The following ERMP1 variants were observed in gnomAD, a reference collection of about 807,000 sequenced individuals.
ERMP1 encodes Felix-ina.
In ERMP1, 86 loss-of-function variants were observed where a neutral mutation model predicts 92.0. The observed-to-expected ratio is 0.93, with a 90% confidence interval of 0.79 to 1.12. The LOEUF is 1.12. Among genes scored for constraint, ERMP1 ranks in the 50% most tolerant of loss-of-function variants. The pLI, the probability that ERMP1 is intolerant of heterozygous loss-of-function variation, is 0.00. For missense variants in ERMP1, 1,342 were observed against 1,116.3 expected (o/e 1.20, Z -2.88); for synonymous variants, 530 against 412.8 (o/e 1.28, Z -3.44).
chr9:5,816,948 G>C (rs1829332720), intron 4 of ERMP1, among the ~76,000 whole-genome samples: 1 of 150,974 alleles, frequency 6.6e-6, no homozygotes, highest in Non-Finnish European at 1.5e-5. Flanking sequence ...TCCCAGGCTG[G>C]AGTACAGCAC....
intron 4 of ERMP1, among the ~76,000 whole-genome samples, chr9:5,813,557 A>C (rs907761642): frequency 6.6e-6 from 1 of 152,084 alleles, no homozygotes; most frequent in Admixed American, 6.6e-5. Flanking sequence ...AGCATCCCTA[A>C]TCCTAAAATC....
chr9:5,864,074 C>A lies in ERMP1; in HGVS notation n.3055+3728G>T, dbSNP rs569891559. Among the ~76,000 whole-genome samples, 76 of 152,256 alleles carry A rather than the reference C, an allele frequency of 5.0e-4. 1 individual carries two copies. Among genetic ancestry groups the A allele is most frequent in the South Asian group, 3.5e-3 (17 of 4,822 alleles). ...TTAAAAAAGCTTATGATAGATATGG[C>A]CAAACTGCCCTCCAGAATTGCACAT... On this transcript the variant is annotated intron_variant and non_coding_transcript_variant, in intron 5 of 6. Transcript: ENST00000690753.
chr9:5,816,831 C>A (rs1037864575), intron 4 of ERMP1, among the ~76,000 whole-genome samples: 2 of 151,430 alleles, frequency 1.3e-5, no homozygotes, highest in Non-Finnish European at 2.9e-5. Flanking sequence ...CAAGGTTCCA[C>A]GTGTAGAATG....
intron 13 of ERMP1, among the ~76,000 whole-genome samples, chr9:5,788,029 T>C (rs1212312797): frequency 1.3e-5 from 2 of 152,220 alleles, no homozygotes; most frequent in East Asian, 3.8e-4. Context: ...GTTTTACTAG[T>C]TTTTCCCTTC....
rs1258767540 is a variant in ERMP1 at position 5,830,916 on chromosome 9, T to C, written c.451A>G (p.Ser151Gly). 4.3e-6 allele frequency: 7 copies of C among 1,614,002 alleles called. No individual in the cohort carries two copies. In the Admixed American group the frequency reaches 1.0e-4, roughly 23 times the overall value. The change falls in exon 2 of 15, where the codon AGC (serine) becomes GGC (glycine). Residue 151 changes from serine to glycine, a missense_variant. Transcript: ENST00000339450. ...ACTGAAATCTTATGAAGGCTGTTGCTTTGCACTTCAATCAGTTTAATCTGT... is the reference window on the plus strand; with the variant it reads ...ACTGAAATCTTATGAAGGCTGTTGCCTTGCACTTCAATCAGTTTAATCTGT... ...LEQIKLIEVQ[S>G]NSLHKISVDV...
At chr9:5,832,647 G>T (rs1194720284) in intron 1 of ERMP1, 43 bp downstream of exon 1, 1 of 1,348,168 alleles carries the variant, frequency 7.4e-7, no homozygotes, top group African/African-American at 1.5e-5. Context: ...CGCAGGAGCC[G>T]CAAACGGACG....
intron 13 of ERMP1, among the ~76,000 whole-genome samples, chr9:5,796,894 A>T (rs188480163): frequency 6.6e-6 from 1 of 152,206 alleles, no homozygotes. Context: ...TAATAATAAT[A>T]TATCAGTGTT....
At chr9:5,808,637 C>T (rs899940469) in intron 8 of ERMP1, among the ~76,000 whole-genome samples, 2 of 152,204 alleles carry the variant, frequency 1.3e-5, no homozygotes, top group African/African-American at 4.8e-5. Flanking sequence ...TTACATGGAG[C>T]TAAGAAAGAT....
At chr9:5,804,509 C>A (rs113483757) in intron 10 of ERMP1, among the ~76,000 whole-genome samples, 199 of 152,174 alleles carry the variant, frequency 1.3e-3, no homozygotes, top group Non-Finnish European at 2.4e-3. Context: ...AATGAAGGCA[C>A]GTTTGGGTGT....
At chr9:5,789,883 C>T (rs923179816) in intron 13 of ERMP1, among the ~76,000 whole-genome samples, 7 of 150,740 alleles carry the variant, frequency 4.6e-5, no homozygotes, top group Non-Finnish European at 7.4e-5. Context: ...GGGGTCTCCC[C>T]GTGTTGCCCA....
chr9:5,839,211 T>TA (rs961544087), intron 6 of ERMP1, among the ~76,000 whole-genome samples: 15 of 152,080 alleles, frequency 9.9e-5, no homozygotes, highest in African/African-American at 3.4e-4. Context: ...CTGAACCAAT[T>TA]AAAAAAAACT....
upstream of ERMP1, among the ~76,000 whole-genome samples, chr9:5,837,639 T>C (rs1257934321): frequency 6.6e-6 from 1 of 152,244 alleles, no homozygotes; most frequent in Admixed American, 6.5e-5. Flanking sequence ...TAATATGTGT[T>C]ATATACATTA....
At chr9:5,866,497 T>A (rs538835193) in intron 5 of ERMP1, among the ~76,000 whole-genome samples, 21 of 152,222 alleles carry the variant, frequency 1.4e-4, no homozygotes, top group African/African-American at 4.6e-4. Flanking sequence ...CAGCCCAGAA[T>A]TGGTAGCTCA....
chr9:5,857,250 G>C (rs747593751), intron 6 of ERMP1, among the ~76,000 whole-genome samples: 6 of 152,072 alleles, frequency 3.9e-5, no homozygotes, highest in Non-Finnish European at 8.8e-5. Context: ...TCAAACCCCT[G>C]AGCTCAAGGG....
Position 5,833,082 on chromosome 9 carries a change from G to T in ERMP1, c.-55C>A. ...GCCCCAACCCGCGACAGCCCCGGCCGCCGCCGACGCCGCCGTCGCTGCCGC... is the reference window on the plus strand; with the variant it reads ...GCCCCAACCCGCGACAGCCCCGGCCTCCGCCGACGCCGCCGTCGCTGCCGC... On this transcript the variant is annotated 5_prime_UTR_variant, in exon 1 of 15. Coordinates refer to ENST00000339450, the MANE Select transcript of ERMP1 (RefSeq NM_024896.3). 7.4e-7 allele frequency: 1 copy of T among 1,349,942 alleles called. No individual in the cohort carries two copies. Among genetic ancestry groups the T allele is most frequent in the Non-Finnish European group, 9.6e-7 (1 of 1,045,172 alleles). 83.6% of individuals were successfully genotyped at this position (1,349,942 alleles called of 1,614,324 possible). A position where few individuals can be genotyped will look rare whatever the true frequency, so the allele number is the denominator to read the frequency against.
intron 5 of ERMP1, among the ~76,000 whole-genome samples, chr9:5,863,159 G>A (rs938291234): frequency 7.2e-5 from 11 of 152,160 alleles, no homozygotes; most frequent in African/African-American, 2.4e-4. Flanking sequence ...GGCTAGTACT[G>A]CCAGTTTAAA....
In ERMP1 at chr9:5,786,930, G is replaced by A; in HGVS notation, c.*214C>T. 1 of 437,994 alleles carries A rather than the reference G, an allele frequency of 2.3e-6. No individual in the cohort carries two copies. The highest frequency in any genetic ancestry group is 4.1e-6 in the Non-Finnish European group (1 of 246,356). 27.1% of individuals were successfully genotyped at this position (437,994 alleles called of 1,614,324 possible). ...ACCCACATGTGCTGAAGTGCCAAAA[G>A]ACTGGCATTTTCAAGTGTCAACAGG... On this transcript the variant is annotated 3_prime_UTR_variant, in exon 15 of 15. Coordinates refer to ENST00000339450, the MANE Select transcript of ERMP1 (RefSeq NM_024896.3).
chr9:5,807,858 T>C (rs942857912), intron 8 of ERMP1, among the ~76,000 whole-genome samples: 2 of 152,186 alleles, frequency 1.3e-5, no homozygotes, highest in African/African-American at 4.8e-5. Context: ...AGCATAGTTA[T>C]ATGTCAGTCT....
In ERMP1 at chr9:5,825,152, T is replaced by G. The variant is rs1453341923; in HGVS notation, c.708A>C (p.Ser236=). 1 of 1,614,118 alleles carries G rather than the reference T, an allele frequency of 6.2e-7. No homozygotes were observed. Among genetic ancestry groups the G allele is most frequent in the South Asian group, 1.1e-5 (1 of 91,072 alleles). Residue 236 remains serine (S), a synonymous_variant, in exon 3 of 15, where the codon TCA becomes TCC. Coordinates refer to ENST00000339450, the MANE Select transcript of ERMP1 (RefSeq NM_024896.3). The part of the protein sequence containing the change: ...LEVLRVLSTS[S]EALHHAVIFL... ...ATATGACAGCATGATGCAAGGCTTC[T>G]GAAGATGTTGACAAGACGCGAAGGA...
Sources: allele counts gnomAD v4.1 joint callset (sites outside exome capture counted in the v4.1 genomes callset), GRCh38; gene constraint gnomAD v4.1.1; transcripts MANE v1.5; gene names NCBI Gene and HGNC (gene_info 2026-07-23, HGNC 2026-07-21).